Variants in ARID1B observed in about 807,000 individuals in gnomAD.
ARID1B encodes AT-rich interaction domain 1B.
A neutral mutation model predicts 212.3 loss-of-function variants in ARID1B; 30 were observed. The ratio of observed to expected loss-of-function variants is 0.14; its 90% CI spans 0.11 to 0.19. ARID1B has a LOEUF of 0.19. ARID1B is among the 10% of genes least tolerant of loss of function. The pLI is 1.00. For synonymous variants in ARID1B, 1,402 were observed against 1,301.7 expected (o/e 1.08, Z -1.66); for missense variants, 2,891 against 3,204.0 (o/e 0.90, Z 2.36).
At chr6:156,827,930 T>C (rs1318591343) in intron 1 of ARID1B, among the ~76,000 whole-genome samples, 2 of 151,632 alleles carry the variant, frequency 1.3e-5, no homozygotes, top group South Asian at 4.2e-4. Context: ...CCAGCTGATT[T>C]TTGTATTTTT....
Position 157,210,021 on chromosome 6 carries a change from A to AAT in ARID1B, c.*2135_*2136dup. 1 of 233,214 alleles carries AAT rather than the reference A, an allele frequency of 4.3e-6. No individual in the cohort carries two copies. The allele number at this position is 233,214 out of a possible 1,614,324, so 14.4% of individuals were successfully genotyped here. A position where few individuals can be genotyped will look rare whatever the true frequency, so the allele number is the denominator to read the frequency against. On this transcript the variant is annotated 3_prime_UTR_variant, in exon 20 of 20. Transcript: ENST00000636930. ...TGTGTCGGTTCACATTACTCACAGT[A>AAT]ATATATGGAAGAGTTAGACAAGAAC...
chr6:157,047,010 T>G (rs991272829), intron 4 of ARID1B, among the ~76,000 whole-genome samples: 20 of 152,174 alleles, frequency 1.3e-4, no homozygotes, highest in Non-Finnish European at 2.6e-4. Flanking sequence ...GCCTGTGTTG[T>G]TGTTTTTTTA....
intron 2 of ARID1B, among the ~76,000 whole-genome samples, chr6:156,898,477 G>A (rs1266231409): frequency 6.6e-6 from 1 of 152,050 alleles, no homozygotes; most frequent in East Asian, 1.9e-4. Context: ...AGGGACAGCC[G>A]CCCAGATGCC....
At chr6:157,003,497 CAGGCCTTGTAATGT>C (rs1199628665) in intron 4 of ARID1B, among the ~76,000 whole-genome samples, 1 of 152,172 alleles carries the variant, frequency 6.6e-6, no homozygotes, top group Admixed American at 6.5e-5. Context: ...AGAAGATCCA[CAGGCCTTGTAATGT>C]ATGGCTGTAA....
At chr6:157,095,827 T>C (rs1785580148) in intron 5 of ARID1B, among the ~76,000 whole-genome samples, 1 of 146,274 alleles carries the variant, frequency 6.8e-6, no homozygotes, top group Non-Finnish European at 1.5e-5. Context: ...AGAATCATGT[T>C]ATTTTAATTC....
intron 8 of ARID1B, chr6:157,152,215 T>C (rs1445280432): frequency 6.6e-6 from 1 of 152,228 alleles, no homozygotes; most frequent in East Asian, 1.9e-4. Context: ...CTAGTTTGAC[T>C]GTGCCTTGCC....
chr6:157,013,727 G>C (rs2128459547), intron 4 of ARID1B, among the ~76,000 whole-genome samples: 1 of 152,232 alleles, frequency 6.6e-6, no homozygotes, highest in East Asian at 1.9e-4. Context: ...CTTTTTTTCT[G>C]TACTGACTAG....
intron 4 of ARID1B, among the ~76,000 whole-genome samples, chr6:157,012,513 G>A (rs1779675979): frequency 6.6e-6 from 1 of 152,198 alleles, no homozygotes; most frequent in African/African-American, 2.4e-5. Context: ...GAGGCTAACT[G>A]GAGGCTGCCT....
intron 5 of ARID1B, among the ~76,000 whole-genome samples, chr6:157,088,377 G>C (rs1785079725): frequency 6.6e-6 from 1 of 152,156 alleles, no homozygotes; most frequent in South Asian, 2.1e-4. Flanking sequence ...TTTGATAACA[G>C]TTCATCCAAC....
intron 3 of ARID1B, among the ~76,000 whole-genome samples, chr6:156,905,495 G>T (rs151038485): frequency 1.8e-4 from 28 of 152,276 alleles, no homozygotes; most frequent in African/African-American, 6.7e-4. Context: ...AAAACAATCT[G>T]TTATTCTCAG....
At chr6:156,875,343 A>G (rs1272854536) in intron 2 of ARID1B, among the ~76,000 whole-genome samples, 1 of 152,214 alleles carries the variant, frequency 6.6e-6, no homozygotes, top group Non-Finnish European at 1.5e-5. Context: ...AGCTTTCTTC[A>G]TATCTGCATC....
intron 2 of ARID1B, among the ~76,000 whole-genome samples, chr6:156,841,348 G>A (rs1783888896): frequency 6.6e-6 from 1 of 152,150 alleles, no homozygotes; most frequent in Admixed American, 6.5e-5. Flanking sequence ...TTGCACCTCG[G>A]AGTAGAGGAA....
At chr6:157,004,868 TTTC>T (rs1779115052) in intron 4 of ARID1B, among the ~76,000 whole-genome samples, 1 of 151,014 alleles carries the variant, frequency 6.6e-6, no homozygotes, top group Non-Finnish European at 1.5e-5. Context: ...TGTAGTGGCA[TTTC>T]TTTTTTCTTT....
chr6:156,914,084 C>T (rs1299975902), intron 3 of ARID1B, among the ~76,000 whole-genome samples: 4 of 141,720 alleles, frequency 2.8e-5, no homozygotes, highest in African/African-American at 5.3e-5. Flanking sequence ...GCCCCCATTC[C>T]ACTCTCCACT....
chr6:157,051,279 T>G (rs772592513), intron 4 of ARID1B, among the ~76,000 whole-genome samples: 6 of 152,068 alleles, frequency 3.9e-5, no homozygotes, highest in Non-Finnish European at 7.4e-5. Flanking sequence ...TAGAAATGAG[T>G]TTTTTTATGG....
In ARID1B at chr6:157,077,565, T is replaced by G. The variant is rs563926460; in HGVS notation, c.2248-7097T>G. 7.7e-4 allele frequency among the ~76,000 whole-genome samples: 117 copies of G among 152,248 alleles called. 1 individual carries two copies. The highest frequency in any genetic ancestry group is 6.8e-3 in the South Asian group (33 of 4,822). Reference sequence around the variant, plus strand: ...TTGTCCCCTCTGCTTCCTGTCTCTTTCCCTGCCAAGTGCCCCTTCCCACCA... The same window carrying G: ...TTGTCCCCTCTGCTTCCTGTCTCTTGCCCTGCCAAGTGCCCCTTCCCACCA... On this transcript the variant is annotated intron_variant, in intron 4 of 19. Transcript: ENST00000636930.
At chr6:157,128,703 CAA>C (rs1449306973) in intron 6 of ARID1B, among the ~76,000 whole-genome samples, 2 of 152,122 alleles carry the variant, frequency 1.3e-5, no homozygotes, top group Non-Finnish European at 2.9e-5. Flanking sequence ...ACTTCATATT[CAA>C]GAGAGAGAGC....
In ARID1B at chr6:156,945,879, A is replaced by G. The variant is rs182225324; in HGVS notation, c.2247+10303A>G. Among the ~76,000 whole-genome samples the G allele has an allele frequency of 9.9e-5, 15 of 151,760 alleles. No individual in the cohort carries two copies. In the East Asian group the frequency reaches 2.7e-3, roughly 28 times the overall value. ...AAAAATTACCTGGGTGTGGTAGGGC[A>G]TGCCTGTGGTCTGAACTACTTTGTG... On this transcript the variant is annotated intron_variant, in intron 4 of 19. Coordinates refer to ENST00000636930, the MANE Select transcript of ARID1B (RefSeq NM_001374828.1).
At chr6:156,820,903 G>C (rs62435788) in intron 1 of ARID1B, among the ~76,000 whole-genome samples, 1 of 152,160 alleles carries the variant, frequency 6.6e-6, no homozygotes, top group African/African-American at 2.4e-5. Context: ...GTTTCTGTAC[G>C]GATCTGCTTC....
Sources: allele counts gnomAD v4.1 joint callset (sites outside exome capture counted in the v4.1 genomes callset), GRCh38; gene constraint gnomAD v4.1.1; transcripts MANE v1.5; gene names NCBI Gene and HGNC (gene_info 2026-07-23, HGNC 2026-07-21).